GREB1L: variants seen among roughly 807,000 people sequenced by gnomAD.
The protein encoded by GREB1L is GREB1 like retinoic acid receptor coactivator, also known as GREB1-like protein.
Under a neutral mutation model 200.8 loss-of-function variants are expected in GREB1L, and 17 were observed. That is an observed-to-expected ratio of 0.08 (90% CI 0.06 to 0.13). The LOEUF (loss-of-function observed/expected upper bound fraction) is 0.13. Among genes scored for constraint, GREB1L ranks in the 10% least tolerant of loss-of-function variants. The pLI is 1.00. For synonymous variants in GREB1L, 789 were observed against 893.0 expected (o/e 0.88, Z 2.08); for missense variants, 1,657 against 2,367.7 (o/e 0.70, Z 6.23).
chr18:21,284,183 G>A (rs1215359279), intron 1 of GREB1L, among the ~76,000 whole-genome samples: 1 of 152,152 alleles, frequency 6.6e-6, no homozygotes, highest in Non-Finnish European at 1.5e-5. Context: ...GCTCTATTGA[G>A]CTATAATTCA....
chr18:21,520,585 A>G, intron 31 of GREB1L, 103 bp from the exon 32 acceptor site: 1 of 1,301,076 alleles, frequency 7.7e-7, no homozygotes, highest in South Asian at 1.3e-5. Context: ...CCTTTACCTT[A>G]TCCTGAAATA....
intron 1 of GREB1L, among the ~76,000 whole-genome samples, chr18:21,325,729 A>G (rs2144969404): frequency 6.8e-6 from 1 of 146,160 alleles, no homozygotes; most frequent in African/African-American, 2.5e-5. Flanking sequence ...TGGGAGGATC[A>G]GTTGAGCCTA....
At chr18:21,256,967 T>C (rs1259180619) in intron 1 of GREB1L, among the ~76,000 whole-genome samples, 1 of 137,320 alleles carries the variant, frequency 7.3e-6, no homozygotes, top group Non-Finnish European at 1.5e-5. Flanking sequence ...ATCATGCCAC[T>C]GCACTCCAGC....
chr18:21,470,869 A>G (rs2145663586), intron 15 of GREB1L, among the ~76,000 whole-genome samples: 1 of 152,318 alleles, frequency 6.6e-6, no homozygotes, highest in East Asian at 1.9e-4. Flanking sequence ...CAAAATAAGT[A>G]TCTATCACTT....
chr18:21,383,640 A>T lies in GREB1L; in HGVS notation c.122A>T (p.Tyr41Phe), dbSNP rs190564630. 1 of 1,551,492 alleles carries T rather than the reference A, an allele frequency of 6.4e-7. No individual in the cohort carries two copies. Among genetic ancestry groups the T allele is most frequent in the African/African-American group, 1.4e-5 (1 of 73,116 alleles). ...VVPRPIFSQL[Y>F]LDPDQHPFSS... is the part of the protein sequence containing the mutation. ...CCACGGCCAATTTTTTCCCAGCTAT[A>T]CCTGGACCCTGACCAGCATCCTTTC... is the stretch of plus-strand genomic sequence containing the variant. Residue 41 changes from tyrosine to phenylalanine, a missense_variant, in exon 3 of 33, where the codon TAC becomes TTC. Around this residue, in one of 9 missense-constraint regions of GREB1L, gnomAD observed 121 missense variants for 126.6 expected, o/e 0.96. Transcript: ENST00000424526.
chr18:21,307,921 T>G (rs2038728697), intron 1 of GREB1L, among the ~76,000 whole-genome samples: 1 of 152,220 alleles, frequency 6.6e-6, no homozygotes, highest in South Asian at 2.1e-4. Context: ...CCAGGAGTGG[T>G]AACAGTTCTG....
chr18:21,443,837 G>A (rs1190791454), intron 10 of GREB1L, among the ~76,000 whole-genome samples: 1 of 152,206 alleles, frequency 6.6e-6, no homozygotes, highest in Non-Finnish European at 1.5e-5. Flanking sequence ...TCCATTGCTT[G>A]TAATACTTAA....
At position 21,383,510 on chromosome 18, in the gene GREB1L, G is replaced by C; in HGVS notation, c.-9G>C. 1.3e-6 allele frequency: 2 copies of C among 1,530,172 alleles called. No homozygotes were observed. The highest frequency in any genetic ancestry group is 2.5e-5 in the South Asian group (2 of 79,444). 94.8% of individuals were successfully genotyped at this position (1,530,172 alleles called of 1,614,324 possible). On this transcript the variant is annotated splice_region_variant and 5_prime_UTR_variant, in exon 3 of 33. Coordinates refer to ENST00000424526, the MANE Select transcript of GREB1L (RefSeq NM_001142966.3). ...TCTTCTTTTTCTTGGGGATGGGTAG[G>C]TGTAGATCATGGGGAATTCATATGC... is the stretch of plus-strand genomic sequence containing the variant.
rs2040445355 is a variant in GREB1L, at chr18:21,384,296, T to G, written c.248T>G (p.Val83Gly). Residue 83 changes from valine to glycine, a missense_variant, in exon 4 of 33, where the codon GTT (valine) becomes GGT (glycine). This residue lies in a region of GREB1L where 121 missense variants were observed against 126.6 expected (regional missense o/e 0.96). Coordinates refer to ENST00000424526, the MANE Select transcript of GREB1L (RefSeq NM_001142966.3). ...CTGGATTTTTCTAACAATCTAACAG[T>G]TAATGAAATGGAAGATGATGAAGAC... ...GSLDFSNNLT[V>G]NEMEDDEDDE... 6.4e-7 allele frequency: 1 copy of G among 1,550,736 alleles called. No individual in the cohort carries two copies. The highest frequency in any genetic ancestry group is 1.4e-5 in the African/African-American group (1 of 73,020).
At chr18:21,448,794 A>G (rs1315895557) in intron 11 of GREB1L, among the ~76,000 whole-genome samples, 4 of 152,164 alleles carry the variant, frequency 2.6e-5, no homozygotes, top group Non-Finnish European at 5.9e-5. Context: ...AGGCTGGTTG[A>G]GTTTCTAAAG....
At chr18:21,511,191 C>A (rs969924574) in intron 27 of GREB1L, among the ~76,000 whole-genome samples, 1 of 152,162 alleles carries the variant, frequency 6.6e-6, no homozygotes, top group Non-Finnish European at 1.5e-5. Flanking sequence ...CCTGACCAAC[C>A]CCGTCTCTAC....
intron 4 of GREB1L, among the ~76,000 whole-genome samples, chr18:21,385,228 G>A (rs987130342): frequency 3.3e-5 from 5 of 152,084 alleles, no homozygotes; most frequent in African/African-American, 1.2e-4. Context: ...ATTTTGGAGT[G>A]GGGGAAATGG....
At chr18:21,268,261 A>C (rs2038004369) in intron 1 of GREB1L, among the ~76,000 whole-genome samples, 1 of 151,796 alleles carries the variant, frequency 6.6e-6, no homozygotes, top group Non-Finnish European at 1.5e-5. Context: ...GAAAGGGAGA[A>C]GTGTTTGTGC....
At chr18:21,349,152 C>T (rs1422811170) in intron 1 of GREB1L, among the ~76,000 whole-genome samples, 1 of 152,166 alleles carries the variant, frequency 6.6e-6, no homozygotes, top group Non-Finnish European at 1.5e-5. Context: ...CCTGCAGAAA[C>T]TTTTTATCTG....
At chr18:21,397,583 C>T (rs1230602054) in intron 5 of GREB1L, among the ~76,000 whole-genome samples, 1 of 151,412 alleles carries the variant, frequency 6.6e-6, no homozygotes, top group Non-Finnish European at 1.5e-5. Context: ...CGCTTGTAGT[C>T]CCAGCTACTC....
intron 2 of GREB1L, among the ~76,000 whole-genome samples, chr18:21,382,016 A>G (rs1331092577): frequency 6.6e-6 from 1 of 152,136 alleles, no homozygotes; most frequent in Non-Finnish European, 1.5e-5. Context: ...CTTACCTACC[A>G]GCTTTGAACA....
At chr18:21,279,038 A>T (rs2038222067) in intron 1 of GREB1L, among the ~76,000 whole-genome samples, 1 of 152,102 alleles carries the variant, frequency 6.6e-6, no homozygotes, top group Non-Finnish European at 1.5e-5. Context: ...TCAATAAAGT[A>T]AAAAAATCAT....
At chr18:21,362,173 A>G (rs1486778244) in intron 1 of GREB1L, among the ~76,000 whole-genome samples, 2 of 152,160 alleles carry the variant, frequency 1.3e-5, no homozygotes, top group African/African-American at 4.8e-5. Flanking sequence ...ATTATGAAAT[A>G]TTATACTGTT....
chr18:21,261,862 T>C (rs956938334), intron 1 of GREB1L, among the ~76,000 whole-genome samples: 1 of 152,116 alleles, frequency 6.6e-6, no homozygotes, highest in Non-Finnish European at 1.5e-5. Flanking sequence ...CTTTATTTTA[T>C]TTTAATTTTT....
Sources: gnomAD v4.1 joint callset for allele counts (sites outside exome capture counted in the v4.1 genomes callset) on GRCh38, gnomAD v4.1.1 for gene constraint, gnomAD v4.1.1 regional missense constraint, MANE v1.5 for transcripts, NCBI Gene and HGNC (gene_info 2026-07-23, HGNC 2026-07-21) for gene names.